The following ERMARD variants were observed in gnomAD, a reference collection of about 807,000 sequenced individuals.
The protein encoded by ERMARD is ER membrane associated RNA degradation.
ERMARD carries 71 observed loss-of-function variants against 83.9 expected under a neutral mutation model. The observed-to-expected ratio is 0.85, with a 90% CI of 0.70 to 1.03. The LOEUF is 1.03. Ranked by LOEUF, ERMARD falls within the 50% of genes least tolerant of loss-of-function variation. The pLI, the probability that ERMARD is intolerant of heterozygous loss-of-function variation, is 0.00. For synonymous variants in ERMARD, 284 were observed against 298.6 expected (o/e 0.95, Z 0.50); for missense variants, 838 against 810.9 (o/e 1.03, Z -0.41).
upstream of ERMARD, chr6:169,751,619 T>A (rs755483370): frequency 3.2e-6 from 5 of 1,580,940 alleles, no homozygotes; most frequent in South Asian, 4.5e-5. Flanking sequence ...CGCAGGCGCC[T>A]GCGTCATTCA....
chr6:169,761,366 A>G (rs1429221503), intron 8 of ERMARD, among the ~76,000 whole-genome samples: 1 of 151,990 alleles, frequency 6.6e-6, no homozygotes, highest in East Asian at 1.9e-4. Flanking sequence ...GTAAGTGTGC[A>G]CTACTGTGCC....
At chr6:169,767,954 GT>G in intron 10 of ERMARD, 148 bp from the exon 11 acceptor site, 1 of 634,094 alleles carries the variant, frequency 1.6e-6, no homozygotes. Flanking sequence ...CTGAACACCT[GT>G]TTGCTGAATT....
intron 16 of ERMARD, among the ~76,000 whole-genome samples, chr6:169,777,615 A>C (rs1400987037): frequency 2.0e-5 from 3 of 152,222 alleles, no homozygotes; most frequent in African/African-American, 4.8e-5. Flanking sequence ...AATGTTAAAC[A>C]TTGAGGTATA....
chr6:169,754,006 C>G lies in ERMARD; in HGVS notation c.149C>G (p.Thr50Arg). The G allele has an allele frequency of 6.2e-7, 1 of 1,613,264 alleles. No individual in the cohort carries two copies. Among genetic ancestry groups the G allele is most frequent in the Non-Finnish European group, 8.5e-7 (1 of 1,179,504 alleles). ...GGTGAAGTATGCTGGAAAACAATCA[C>G]AGACTGTGTGAGCTACACAGAGTCA... ...QNGEVCWKTI[T>R]DCVSYTESEQ... The change falls in exon 2 of 18, where the codon ACA becomes AGA. Residue 50 changes from threonine (T) to arginine (R), a missense_variant. Physicochemically the swap from Thr to Arg is moderately conservative, Grantham distance 71 (BLOSUM62 -1). Coordinates refer to ENST00000366773, the MANE Select transcript of ERMARD (RefSeq NM_018341.3).
In ERMARD at chr6:169,776,535, T is replaced by C. The variant is rs1254872144; in HGVS notation, c.1601T>C (p.Val534Ala). Reference sequence around the variant, plus strand: ...CCCAGGATTGTGCTGGAAGTGCTGGTTGTGCTCCGAAGCATCAGCGAACAG... The same window carrying C: ...CCCAGGATTGTGCTGGAAGTGCTGGCTGTGCTCCGAAGCATCAGCGAACAG... ...FCPRIVLEVL[V>A]VLRSISEQCR... Residue 534 changes from valine (V) to alanine (A), a missense_variant, in exon 16 of 18, where the codon GTT becomes GCT. Val to Ala is a moderately conservative substitution (Grantham distance 64). Coordinates refer to ENST00000366773, the MANE Select transcript of ERMARD (RefSeq NM_018341.3). The C allele has an allele frequency of 1.9e-6, 3 of 1,614,198 alleles. No individual in the cohort carries two copies. The highest frequency in any genetic ancestry group is 8.5e-7 in the Non-Finnish European group (1 of 1,180,032).
chr6:169,752,467 C>T (rs1790250086), intron 1 of ERMARD, among the ~76,000 whole-genome samples: 1 of 152,186 alleles, frequency 6.6e-6, no homozygotes, highest in African/African-American at 2.4e-5. Context: ...CATAGAGCCA[C>T]ATGGAGGATG....
chr6:169,751,834 C>T, intron 1 of ERMARD, 171 bp downstream of exon 1: 1 of 1,004,012 alleles, frequency 1.0e-6, no homozygotes, highest in Non-Finnish European at 1.4e-6. Context: ...GTGGCGGTAT[C>T]GGACGCTCGG....
At chr6:169,765,228 A>T (rs946917676) in intron 9 of ERMARD, among the ~76,000 whole-genome samples, 5 of 152,280 alleles carry the variant, frequency 3.3e-5, no homozygotes, top group African/African-American at 1.2e-4. Flanking sequence ...AATAAATAAC[A>T]TGGCTGTTTC....
chr6:169,776,740 A>G (rs1483267462), intron 16 of ERMARD, 67 bp downstream of exon 16: 2 of 1,562,602 alleles, frequency 1.3e-6, no homozygotes, highest in African/African-American at 2.7e-5. Flanking sequence ...ATGCAGTTCT[A>G]GTCCTCACTT....
intron 17 of ERMARD, among the ~76,000 whole-genome samples, chr6:169,780,714 C>T (rs1004098404): frequency 3.3e-5 from 5 of 152,186 alleles, no homozygotes; most frequent in Admixed American, 6.5e-5. Context: ...GAACCTTGAA[C>T]GATGCAGGTT....
chr6:169,751,733 C>A, intron 1 of ERMARD, 70 bp downstream of exon 1: 2 of 1,474,444 alleles, frequency 1.4e-6, no homozygotes, highest in Non-Finnish European at 1.8e-6. Flanking sequence ...GGGTGGTGCT[C>A]GGCTACGCGG....
At chr6:169,776,754 G>T in intron 16 of ERMARD, 81 bp downstream of exon 16, 1 of 1,486,070 alleles carries the variant, frequency 6.7e-7, no homozygotes, top group African/African-American at 1.4e-5. Context: ...CTCACTTCCA[G>T]ACACACACAG....
intron 13 of ERMARD, 46 bp from the exon 14 acceptor site, chr6:169,775,224 G>A (rs759711285): frequency 3.4e-5 from 53 of 1,581,360 alleles, no homozygotes; most frequent in Non-Finnish European, 4.2e-5. Context: ...GATTTTCTAG[G>A]AAGTTACTGT....
rs762768317 is a variant in ERMARD at position 169,751,646 on chromosome 6, G to A, written c.-12G>A. The A allele has an allele frequency of 2.6e-6, 4 of 1,565,628 alleles. No individual in the cohort carries two copies. The Admixed American group carries it at 5.8e-5, about 23-fold the overall frequency. On this transcript the variant is annotated 5_prime_UTR_variant, in exon 1 of 18. Coordinates refer to ENST00000366773, the MANE Select transcript of ERMARD (RefSeq NM_018341.3). ...CGTCATTCACGCGCGCCGCAGCGGG[G>A]CACCGGAAGTTATGGAGGTAGGGCG...
intron 2 of ERMARD, among the ~76,000 whole-genome samples, chr6:169,754,998 A>G (rs139823536): frequency 1.3e-5 from 2 of 152,082 alleles, no homozygotes; most frequent in African/African-American, 4.8e-5. Context: ...GGTTTTCTGT[A>G]TTCTTATGTA....
upstream of ERMARD, chr6:169,751,450 C>T (rs980655440): frequency 1.2e-6 from 2 of 1,613,976 alleles, no homozygotes; most frequent in African/African-American, 2.7e-5. Flanking sequence ...CTCGGCCTCG[C>T]TTCTCCATCT....
In ERMARD at chr6:169,779,295, A is replaced by G; in HGVS notation, c.1853A>G (p.Lys618Arg). ...KNAHEYQQYL[K>R]FVKSILQYTE... ...GCGCATGAGTATCAGCAGTACCTAA[A>G]GTAAGTGTGTCACAGTATGTCTGCA... Residue 618 changes from lysine (K) to arginine (R), a missense_variant and splice_region_variant, in exon 17 of 18, where the codon AAG becomes AGG. By Grantham distance (26) the Lys-to-Arg change is conservative. Coordinates refer to ENST00000366773, the MANE Select transcript of ERMARD (RefSeq NM_018341.3). 6.2e-7 allele frequency: 1 copy of G among 1,613,392 alleles called. No individual in the cohort carries two copies.
intron 3 of ERMARD, 100 bp from the exon 4 acceptor site, chr6:169,756,238 C>T (rs1790795824): frequency 1.8e-6 from 1 of 549,180 alleles, no homozygotes; most frequent in Admixed American, 3.6e-5. Flanking sequence ...TAAAATATGG[C>T]AGTTGAAATC....
At chr6:169,761,938 C>T (rs1453548322) in intron 8 of ERMARD, among the ~76,000 whole-genome samples, 1 of 152,196 alleles carries the variant, frequency 6.6e-6, no homozygotes, top group African/African-American at 2.4e-5. Flanking sequence ...CCGCCTCAGC[C>T]TCCCAAAGTG....
Sources: gnomAD v4.1 joint callset for allele counts (sites outside exome capture counted in the v4.1 genomes callset) on GRCh38, gnomAD v4.1.1 for gene constraint, MANE v1.5 for transcripts, NCBI Gene and HGNC (gene_info 2026-07-23, HGNC 2026-07-21) for gene names.